Variants in HCK observed in about 807,000 individuals in gnomAD.
The protein encoded by HCK is HCK proto-oncogene, Src family tyrosine kinase, also known as tyrosine-protein kinase HCK.
HCK carries 40 observed loss-of-function variants against 70.4 expected under a neutral mutation model. That is an observed-to-expected ratio of 0.57 (90% CI 0.44 to 0.74). HCK has a LOEUF of 0.74. Ranked by LOEUF, HCK falls within the 30% of genes least tolerant of loss-of-function variation. HCK has a pLI of 0.00. For missense variants in HCK, 568 were observed against 697.2 expected, an observed-to-expected ratio of 0.81 and a Z score of 2.09; for synonymous variants, 245 against 263.2, an observed-to-expected ratio of 0.93 and a Z score of 0.67.
rs74183468 is a variant in HCK, at chr20:32,065,913, A to G, written c.63-5749A>G. Among the ~76,000 whole-genome samples the G allele has an allele frequency of 2.3e-3, 349 of 152,322 alleles. 3 individuals are homozygous for G. Among genetic ancestry groups the G allele is most frequent in the South Asian group, 7.0e-3 (34 of 4,826 alleles). Reference sequence around the variant, plus strand: ...GAGGCAGGAGCAAAAGAGGTTCTCTAGCCTTCTTGGCTAGAATGTTCACAT... The same window carrying G: ...GAGGCAGGAGCAAAAGAGGTTCTCTGGCCTTCTTGGCTAGAATGTTCACAT... On this transcript the variant is annotated intron_variant, in intron 1 of 12. Coordinates refer to ENST00000375852, the MANE Select transcript of HCK (RefSeq NM_002110.5).
At chr20:32,084,352 G>A in intron 7 of HCK, 39 bp from the exon 8 acceptor site, 3 of 1,584,358 alleles carry the variant, frequency 1.9e-6, no homozygotes, top group Non-Finnish European at 2.6e-6. Context: ...GGCTGGCTCG[G>A]TGCTTGTTGC....
chr20:32,073,912 C>A (rs771481116), intron 4 of HCK, 94 bp downstream of exon 4: 16 of 702,914 alleles, frequency 2.3e-5, no homozygotes, highest in Non-Finnish European at 3.1e-5. Context: ...GATAGATGGG[C>A]TATCTTATCC....
chr20:32,076,914 T>TG (rs988929878), intron 5 of HCK, among the ~76,000 whole-genome samples: 1 of 151,966 alleles, frequency 6.6e-6, no homozygotes, highest in Non-Finnish European at 1.5e-5. Context: ...GGTGATACCC[T>TG]GCCTCTACTA....
At chr20:32,067,317 A>G (rs1173093807) in intron 1 of HCK, among the ~76,000 whole-genome samples, 1 of 152,068 alleles carries the variant, frequency 6.6e-6, no homozygotes, top group Non-Finnish European at 1.5e-5. Flanking sequence ...TGCAACCCTC[A>G]CCACCATCCA....
intron 10 of HCK, among the ~76,000 whole-genome samples, chr20:32,091,760 A>T (rs2045866277): frequency 6.6e-6 from 1 of 151,856 alleles, no homozygotes; most frequent in Admixed American, 6.6e-5. Flanking sequence ...CTGAAGCAGG[A>T]GGATCCTTTA....
intron 10 of HCK, among the ~76,000 whole-genome samples, chr20:32,090,158 TG>T (rs1342859857): frequency 1.3e-5 from 2 of 152,240 alleles, no homozygotes; most frequent in African/African-American, 4.8e-5. Flanking sequence ...GACAATAGAC[TG>T]GTCTGTTGCT....
chr20:32,081,287 C>T (rs1231037872), intron 6 of HCK, among the ~76,000 whole-genome samples: 1 of 152,130 alleles, frequency 6.6e-6, no homozygotes, highest in Non-Finnish European at 1.5e-5. Context: ...CCTGGAATTT[C>T]TGTGCTGCAA....
At chr20:32,084,103 G>A (rs1013257347) in intron 7 of HCK, 60 bp downstream of exon 7, 12 of 1,562,074 alleles carry the variant, frequency 7.7e-6, no homozygotes, top group South Asian at 1.1e-5. Context: ...TCCTAGTCAC[G>A]GATGCACTGT....
chr20:32,061,936 CTTTT>C (rs557203114), intron 1 of HCK, among the ~76,000 whole-genome samples: 1 of 122,046 alleles, frequency 8.2e-6, no homozygotes. Context: ...TCTGACTTAC[CTTTT>C]TTTTTTTTTT....
intron 5 of HCK, among the ~76,000 whole-genome samples, chr20:32,078,217 T>C (rs1469231917): frequency 6.6e-6 from 1 of 150,866 alleles, no homozygotes; most frequent in Non-Finnish European, 1.5e-5. Flanking sequence ...TTTTTTTTTT[T>C]TGTATTTTTA....
chr20:32,088,215 T>A (rs1038133697), intron 9 of HCK, among the ~76,000 whole-genome samples: 7 of 152,164 alleles, frequency 4.6e-5, no homozygotes, highest in African/African-American at 1.7e-4. Flanking sequence ...ACTCTGCCCA[T>A]TTTTTGATAA....
intron 6 of HCK, 96 bp from the exon 7 acceptor site, chr20:32,083,798 G>A (rs577259302): frequency 1.2e-4 from 175 of 1,432,460 alleles, no homozygotes; most frequent in Admixed American, 7.0e-4. Context: ...GTGTCAGGAC[G>A]GTGCCAGCGG....
Position 32,052,470 on chromosome 20 carries a change from G to T in HCK, c.46G>T (p.Glu16Ter), listed in dbSNP as rs922262149. The change falls in exon 1 of 13, where the codon GAG (glutamate) becomes TAG (stop). Residue 16 changes from glutamate to a stop codon, truncating the protein, a stop_gained. Coordinates refer to ENST00000375852, the MANE Select transcript of HCK (RefSeq NM_002110.5). LOFTEE classifies it high-confidence loss of function. ...CGAGGATCCGGGCTGCCCGCGAGAC[G>T]AGGAGCGGGCGCCCAGGTGAGTGCC... 3.2e-6 allele frequency: 4 copies of T among 1,265,188 alleles called. No individual in the cohort carries two copies. The African/African-American group carries it at 4.6e-5, about 15-fold the overall frequency. The allele number at this position is 1,265,188 out of a possible 1,614,324, so 78.4% of individuals were successfully genotyped here.
In HCK at chr20:32,073,812, T is replaced by A. The variant is rs1392440799; in HGVS notation, c.323T>A (p.Leu108Gln). Residue 108 changes from leucine to glutamine, a missense_variant, in exon 4 of 13, where the codon CTA (leucine) becomes CAA (glutamine). Transcript: ENST00000375852. ...CAGAAGGGGGACCAGATGGTGGTCC[T>A]AGAGGAGTGAGTCCCCATCCCACTC... 1 of 1,542,088 alleles carries A rather than the reference T, an allele frequency of 6.5e-7. No individual in the cohort carries two copies. The highest frequency in any genetic ancestry group is 1.4e-5 in the African/African-American group (1 of 73,058).
At chr20:32,087,609 G>A (rs1355256603) in intron 9 of HCK, among the ~76,000 whole-genome samples, 2 of 151,572 alleles carry the variant, frequency 1.3e-5, no homozygotes, top group East Asian at 3.9e-4. Context: ...TGGCACTACA[G>A]GCATGCACTA....
chr20:32,089,929 T>C (rs139623106), intron 10 of HCK, among the ~76,000 whole-genome samples: 3 of 152,338 alleles, frequency 2.0e-5, no homozygotes, highest in African/African-American at 7.2e-5. Flanking sequence ...GAGTTCAGCC[T>C]ACTCAGCAGG....
intron 11 of HCK, among the ~76,000 whole-genome samples, chr20:32,095,172 A>G (rs1273518435): frequency 1.3e-5 from 2 of 152,180 alleles, no homozygotes; most frequent in East Asian, 3.8e-4. Flanking sequence ...AACACAGATG[A>G]CCCTTAAAAA....
In HCK at chr20:32,071,535, G is replaced by A. The variant is rs1244892804; in HGVS notation, c.63-127G>A. ...GATAAGGGTGCATGGAGCTGGCAGG[G>A]GAGTTAAGACCGGGAAGGCCAGTGG... On this transcript the variant is annotated intron_variant, in intron 1 of 12. Transcript: ENST00000375852. 1.4e-5 allele frequency: 16 copies of A among 1,158,280 alleles called. No individual in the cohort carries two copies. In the Admixed American group the frequency reaches 1.5e-4, roughly 11 times the overall value. 71.8% of individuals were successfully genotyped at this position (1,158,280 alleles called of 1,614,324 possible).
At chr20:32,082,168 T>C (rs2045716622) in intron 6 of HCK, among the ~76,000 whole-genome samples, 1 of 152,160 alleles carries the variant, frequency 6.6e-6, no homozygotes, top group East Asian at 1.9e-4. Flanking sequence ...CATCCGTAAA[T>C]GAGGATGATG....
Sources: allele counts gnomAD v4.1 joint callset (sites outside exome capture counted in the v4.1 genomes callset), GRCh38; gene constraint gnomAD v4.1.1; transcripts MANE v1.5; gene names NCBI Gene and HGNC (gene_info 2026-07-23, HGNC 2026-07-21).